Variants in FRK observed in about 807,000 individuals in gnomAD.
FRK encodes the protein tyrosine-protein kinase FRK.
Under a neutral mutation model 56.4 loss-of-function variants are expected in FRK, and 51 were observed. The observed-to-expected ratio is 0.90, with a 90% CI of 0.72 to 1.14. The LOEUF is 1.14. FRK is among the 50% of genes most tolerant of loss of function. The pLI is 0.00. For missense variants in FRK, 570 were observed against 601.4 expected (o/e 0.95, Z 0.55); for synonymous variants, 245 against 217.9 (o/e 1.12, Z -1.10).
chr6:115,949,559 C>T (rs945014345), intron 5 of FRK, among the ~76,000 whole-genome samples: 1 of 152,130 alleles, frequency 6.6e-6, no homozygotes, highest in African/African-American at 2.4e-5. Flanking sequence ...AAAAATATTC[C>T]ATGCTCACAG....
In FRK at chr6:115,944,335, T is replaced by C; in HGVS notation, c.1049A>G (p.Tyr350Cys). ...SGMAYLESRN[Y>C]IHRDLAARNV... ...TCTGGCAGCCAGATCTCTGTGAATG[T>C]AGTTCCGAGACTCCAGATAGGCCAT... The change falls in exon 6 of 8, where the codon TAC becomes TGC. Residue 350 changes from tyrosine to cysteine, a missense_variant. Coordinates refer to ENST00000606080, the MANE Select transcript of FRK (RefSeq NM_002031.3). 6.2e-7 allele frequency: 1 copy of C among 1,613,166 alleles called. No individual in the cohort carries two copies. Among genetic ancestry groups the C allele is most frequent in the Non-Finnish European group, 8.5e-7 (1 of 1,179,610 alleles).
chr6:115,975,205 T>A (rs1773948709), intron 2 of FRK, among the ~76,000 whole-genome samples: 2 of 152,162 alleles, frequency 1.3e-5, no homozygotes, highest in South Asian at 4.1e-4. Flanking sequence ...TTCAAGTCAA[T>A]ATCTAATTTC....
At chr6:116,055,586 A>AT (rs949986562) in intron 1 of FRK, among the ~76,000 whole-genome samples, 2 of 152,234 alleles carry the variant, frequency 1.3e-5, no homozygotes, top group African/African-American at 4.8e-5. Flanking sequence ...CCATGCTCAA[A>AT]TTTAGGAGAC....
At chr6:116,038,942 G>A (rs1241152325) in intron 1 of FRK, 26 of 657,058 alleles carry the variant, frequency 4.0e-5, no homozygotes, top group South Asian at 1.1e-4. Context: ...CTGTGGCTGC[G>A]CAGAACTGCT....
intron 2 of FRK, among the ~76,000 whole-genome samples, chr6:116,003,466 T>C (rs1775137785): frequency 6.6e-6 from 1 of 152,214 alleles, no homozygotes; most frequent in Non-Finnish European, 1.5e-5. Context: ...GCATTAATCA[T>C]TTCAATTCGT....
At chr6:116,036,560 T>C (rs1042378700) in intron 1 of FRK, among the ~76,000 whole-genome samples, 2 of 152,148 alleles carry the variant, frequency 1.3e-5, no homozygotes, top group African/African-American at 4.8e-5. Context: ...CAGTGTACAA[T>C]GATGCAATAG....
At chr6:115,956,333 C>T (rs780006348) in intron 5 of FRK, 119 bp downstream of exon 5, 13 of 579,602 alleles carry the variant, frequency 2.2e-5, no homozygotes, top group Non-Finnish European at 3.5e-5. Flanking sequence ...GACATTCATT[C>T]TCACAGACAT....
chr6:116,062,549 G>C (rs948524120), upstream of FRK, among the ~76,000 whole-genome samples: 3 of 152,024 alleles, frequency 2.0e-5, no homozygotes, highest in African/African-American at 7.2e-5. Flanking sequence ...TGGGGTTTTA[G>C]ATTTTTGAAT....
At chr6:115,993,428 T>C (rs182643762) in intron 2 of FRK, among the ~76,000 whole-genome samples, 1 of 152,006 alleles carries the variant, frequency 6.6e-6, no homozygotes, top group East Asian at 1.9e-4. Context: ...GTTCACAGAA[T>C]TTTTTTCATT....
At chr6:116,009,419 A>G (rs1316529809) in intron 1 of FRK, among the ~76,000 whole-genome samples, 1 of 152,252 alleles carries the variant, frequency 6.6e-6, no homozygotes, top group Admixed American at 6.5e-5. Context: ...TGTACATTAA[A>G]TTTGAGAACT....
chr6:116,024,097 C>T (rs907078864), intron 1 of FRK, among the ~76,000 whole-genome samples: 1 of 133,030 alleles, frequency 7.5e-6, no homozygotes, highest in Non-Finnish European at 1.7e-5. Flanking sequence ...CACACACACA[C>T]ACATTAGACT....
At chr6:116,016,053 C>T (rs888706318) in intron 1 of FRK, among the ~76,000 whole-genome samples, 2 of 152,100 alleles carry the variant, frequency 1.3e-5, no homozygotes, top group African/African-American at 4.8e-5. Flanking sequence ...CTTAAGTGAC[C>T]AGGGGCCAAA....
rs565337879 is a variant in FRK at position 115,995,996 on chromosome 6, C to T, written c.466+7881G>A. Reference sequence around the variant, plus strand: ...GCACCAACATGTTTAAAATTTAATACATTTTATATGAGATACTGGAGTTAT... The same window carrying T: ...GCACCAACATGTTTAAAATTTAATATATTTTATATGAGATACTGGAGTTAT... On this transcript the variant is annotated intron_variant, in intron 2 of 7. Transcript: ENST00000606080. Among the ~76,000 whole-genome samples, 97 of 152,208 alleles carry T rather than the reference C, an allele frequency of 6.4e-4. 5 individuals are homozygous for T. In the South Asian group the frequency reaches 0.017, roughly 26 times the overall value.
upstream of FRK, among the ~76,000 whole-genome samples, chr6:116,061,172 A>G (rs1307314359): frequency 6.6e-6 from 1 of 152,208 alleles, no homozygotes; most frequent in Non-Finnish European, 1.5e-5. Flanking sequence ...GGGGAAATTT[A>G]AAAAGGCAAA....
intron 5 of FRK, among the ~76,000 whole-genome samples, chr6:115,949,605 G>T (rs1246269981): frequency 6.6e-6 from 1 of 152,108 alleles, no homozygotes; most frequent in African/African-American, 2.4e-5. Context: ...TGGCCATACT[G>T]CCCAAAGTAA....
intron 1 of FRK, among the ~76,000 whole-genome samples, chr6:116,031,889 C>CA (rs1776315784): frequency 6.6e-6 from 1 of 152,056 alleles, no homozygotes; most frequent in Non-Finnish European, 1.5e-5. Context: ...AAAACTGTCC[C>CA]AAACTCTCAG....
intron 2 of FRK, among the ~76,000 whole-genome samples, chr6:115,993,252 T>C (rs1774686980): frequency 6.6e-6 from 1 of 151,860 alleles, no homozygotes; most frequent in Non-Finnish European, 1.5e-5. Context: ...ATCAACTTTA[T>C]CAACAGTCAG....
chr6:115,984,020 G>A (rs6939175), intron 2 of FRK, among the ~76,000 whole-genome samples: 46,209 of 151,928 alleles, frequency 0.3, 7,547 homozygotes, highest in Middle Eastern at 0.35. Flanking sequence ...AAACTGTTAA[G>A]GTAGAATATC....
the FRK span, among the ~76,000 whole-genome samples, chr6:116,097,421 ATATTT>A: frequency 6.6e-6 from 1 of 152,228 alleles, no homozygotes; most frequent in African/African-American, 2.4e-5. Flanking sequence ...TTAGAAAAGC[ATATTT>A]TAAACTAATG....
Sources: allele counts gnomAD v4.1 joint callset (sites outside exome capture counted in the v4.1 genomes callset), GRCh38; gene constraint gnomAD v4.1.1; transcripts MANE v1.5; gene names NCBI Gene and HGNC (gene_info 2026-07-23, HGNC 2026-07-21).